SH3RF1: variants seen among roughly 807,000 people sequenced by gnomAD.
The protein encoded by SH3RF1 is SH3 domain containing ring finger 1.
A neutral mutation model predicts 74.0 loss-of-function variants in SH3RF1; 32 were observed. The ratio of observed to expected loss-of-function variants is 0.43; its 90% CI spans 0.33 to 0.58. SH3RF1 has a LOEUF of 0.58. SH3RF1 is among the 20% of genes least tolerant of loss of function. The pLI is 0.05. For missense variants in SH3RF1, 954 were observed against 1,130.9 expected (o/e 0.84, Z 2.24); for synonymous variants, 396 against 439.6 (o/e 0.90, Z 1.24).
At chr4:169,138,195 T>A (rs1561033877) in intron 4 of SH3RF1, among the ~76,000 whole-genome samples, 1 of 152,158 alleles carries the variant, frequency 6.6e-6, no homozygotes, top group Non-Finnish European at 1.5e-5. Flanking sequence ...ACCTTGAGAA[T>A]AAAAAGCCCA....
chr4:169,144,759 T>G (rs1243408213), intron 4 of SH3RF1, among the ~76,000 whole-genome samples: 2 of 152,028 alleles, frequency 1.3e-5, no homozygotes, highest in African/African-American at 4.8e-5. Flanking sequence ...CAGGGTCAAC[T>G]GATTTTTTTT....
chr4:169,117,754 C>T lies in SH3RF1; in HGVS notation c.1546G>A (p.Val516Ile). The T allele has an allele frequency of 6.2e-7, 1 of 1,611,716 alleles. No homozygotes were observed. The highest frequency in any genetic ancestry group is 8.5e-7 in the Non-Finnish European group (1 of 1,177,978). Residue 516 changes from valine to isoleucine, a missense_variant, in exon 9 of 12, where the codon GTC becomes ATC. Physicochemically the swap from Val to Ile is conservative, Grantham distance 29. Transcript: ENST00000284637. ...RAVTNASQAK[V>I]PMSTAGQTSR... ...GTCTGGCCAGCTGTAGACATAGGGACTTTAGCTTGGGAAGCATTTGTCACC... is the reference window on the plus strand; with the variant it reads ...GTCTGGCCAGCTGTAGACATAGGGATTTTAGCTTGGGAAGCATTTGTCACC...
intron 2 of SH3RF1, among the ~76,000 whole-genome samples, chr4:169,211,614 TGTACTTA>T (rs1285420318): frequency 6.6e-5 from 10 of 152,192 alleles, no homozygotes; most frequent in Admixed American, 1.3e-4. Flanking sequence ...GAGTCTAAAC[TGTACTTA>T]GTACAATTCA....
intron 2 of SH3RF1, among the ~76,000 whole-genome samples, chr4:169,222,511 T>TTA (rs140658147): frequency 0.071 from 10,459 of 148,052 alleles, 494 homozygotes; most frequent in Middle Eastern, 0.12. Flanking sequence ...TTATACATAT[T>TTA]TATATATATA....
At chr4:169,124,348 G>A (rs1462963090) in intron 6 of SH3RF1, among the ~76,000 whole-genome samples, 1 of 152,104 alleles carries the variant, frequency 6.6e-6, no homozygotes, top group African/African-American at 2.4e-5. Flanking sequence ...ATAAAAACAT[G>A]TCATCTTTTG....
At chr4:169,264,672 C>T (rs1217262361) in intron 2 of SH3RF1, among the ~76,000 whole-genome samples, 2 of 152,226 alleles carry the variant, frequency 1.3e-5, no homozygotes, top group East Asian at 1.9e-4. Flanking sequence ...CCCTGCTAAT[C>T]GTCTCAGTCC....
chr4:169,244,345 C>A (rs904701021), intron 2 of SH3RF1, among the ~76,000 whole-genome samples: 3 of 152,172 alleles, frequency 2.0e-5, no homozygotes, highest in African/African-American at 4.8e-5. Context: ...CTGCAAACCC[C>A]TCCACACAAT....
At chr4:169,194,326 T>C (rs762090875) in intron 2 of SH3RF1, among the ~76,000 whole-genome samples, 3 of 152,182 alleles carry the variant, frequency 2.0e-5, no homozygotes, top group Non-Finnish European at 4.4e-5. Context: ...TGCCAGAACC[T>C]AGAAGTGTGC....
chr4:169,191,300 A>AAG lies in SH3RF1; in HGVS notation c.394-34622_394-34621insCT, dbSNP rs553584524. Among the ~76,000 whole-genome samples, 110 of 148,972 alleles carry AAG rather than the reference A, an allele frequency of 7.4e-4. 1 individual carries two copies. The highest frequency in any genetic ancestry group is 4.8e-3 in the South Asian group (23 of 4,744). On this transcript the variant is annotated intron_variant, in intron 2 of 11. Transcript: ENST00000284637. ...CTCAATCCCTTTTACAATAGCTGCAAAAAAAAAAAAAAAAACCTTAGGAAT... is the reference window on the plus strand; with the variant it reads ...CTCAATCCCTTTTACAATAGCTGCAAAGAAAAAAAAAAAAAAACCTTAGGAAT...
intron 2 of SH3RF1, among the ~76,000 whole-genome samples, chr4:169,218,306 TAG>T (rs201631978): frequency 4.1e-5 from 4 of 96,834 alleles, no homozygotes; most frequent in East Asian, 1.1e-3. Context: ...AATATAAATA[TAG>T]AATATAGAAT....
At chr4:169,111,724 T>C (rs1733248767) in intron 10 of SH3RF1, among the ~76,000 whole-genome samples, 1 of 152,218 alleles carries the variant, frequency 6.6e-6, no homozygotes, top group Non-Finnish European at 1.5e-5. Context: ...AAAGTTGTTA[T>C]ACTGATGACG....
chr4:169,122,197 C>T lies in SH3RF1; in HGVS notation c.1249G>A (p.Ala417Thr), dbSNP rs764063936. ...CCAGCAGCAGCAGCAGCGGCGGTGG[C>T]GCCTGGTGGTGTGGAGGCAAGGACA... ...ATVLASTPPG[A>T]TAAAAAAGMG... Residue 417 changes from alanine (A) to threonine (T), a missense_variant, in exon 7 of 12, where the codon GCC becomes ACC. Physicochemically the swap from Ala to Thr is moderately conservative, Grantham distance 58 (BLOSUM62 0). This residue lies in a region of SH3RF1 where 854 missense variants were observed against 962.5 expected (regional missense o/e 0.89). Coordinates refer to ENST00000284637, the MANE Select transcript of SH3RF1 (RefSeq NM_020870.4). 21 of 1,613,190 alleles carry T rather than the reference C, an allele frequency of 1.3e-5. 1 individual carries two copies. The Middle Eastern group carries it at 8.6e-4, about 66-fold the overall frequency.
chr4:169,172,737 G>C (rs1170393089), intron 2 of SH3RF1, among the ~76,000 whole-genome samples: 1 of 152,142 alleles, frequency 6.6e-6, no homozygotes, highest in East Asian at 1.9e-4. Flanking sequence ...ACTGACATTT[G>C]ACTGACATTT....
chr4:169,223,504 G>A (rs1056215194), intron 2 of SH3RF1, among the ~76,000 whole-genome samples: 8 of 152,120 alleles, frequency 5.3e-5, no homozygotes, highest in South Asian at 2.1e-4. Context: ...AGAGACATCC[G>A]CTCACTCATT....
chr4:169,246,148 A>G (rs1228956263), intron 2 of SH3RF1, among the ~76,000 whole-genome samples: 1 of 152,204 alleles, frequency 6.6e-6, no homozygotes, highest in Non-Finnish European at 1.5e-5. Context: ...CAAATTGTAT[A>G]TTACTATGCA....
At chr4:169,210,446 T>C (rs993555505) in intron 2 of SH3RF1, among the ~76,000 whole-genome samples, 1 of 152,254 alleles carries the variant, frequency 6.6e-6, no homozygotes, top group Non-Finnish European at 1.5e-5. Context: ...TTCTATAAAT[T>C]ACAGTGAAAC....
chr4:169,249,209 C>T (rs1198539044), intron 2 of SH3RF1, among the ~76,000 whole-genome samples: 2 of 151,800 alleles, frequency 1.3e-5, no homozygotes, highest in African/African-American at 4.8e-5. Flanking sequence ...GCCTGGGCAA[C>T]AGAGCGAGAC....
intron 10 of SH3RF1, among the ~76,000 whole-genome samples, chr4:169,111,998 G>A (rs1036173401): frequency 6.6e-6 from 1 of 152,188 alleles, no homozygotes; most frequent in African/African-American, 2.4e-5. Flanking sequence ...AGCTGCGACA[G>A]TCCCATCTGT....
chr4:169,240,426 G>A (rs773898033), intron 2 of SH3RF1, among the ~76,000 whole-genome samples: 33 of 151,996 alleles, frequency 2.2e-4, no homozygotes, highest in Non-Finnish European at 3.8e-4. Context: ...TCAAACTCCT[G>A]GGCTCAAGCA....
Sources: allele counts gnomAD v4.1 joint callset (sites outside exome capture counted in the v4.1 genomes callset), GRCh38; gene constraint gnomAD v4.1.1; regional missense constraint gnomAD v4.1.1; transcripts MANE v1.5; gene names NCBI Gene and HGNC (gene_info 2026-07-23, HGNC 2026-07-21).